RBFOX1: variants seen among roughly 807,000 people sequenced by gnomAD.
RBFOX1 encodes the protein RNA binding fox-1 homolog 1.
Under a neutral mutation model 57.7 loss-of-function variants are expected in RBFOX1, and 8 were observed. The observed-to-expected ratio is 0.14, with a 90% CI of 0.08 to 0.25. The LOEUF is 0.25. Among genes scored for constraint, RBFOX1 ranks in the 10% least tolerant of loss-of-function variants. RBFOX1 has a pLI of 1.00. For synonymous variants in RBFOX1, 326 were observed against 222.4 expected, an observed-to-expected ratio of 1.47 and a Z score of -4.15; for missense variants, 611 against 548.5, an observed-to-expected ratio of 1.11 and a Z score of -1.14.
chr16:5,651,012 C>A (rs1232442629), intron 3 of RBFOX1, among the ~76,000 whole-genome samples: 3 of 146,352 alleles, frequency 2.0e-5, no homozygotes, highest in African/African-American at 7.5e-5. Context: ...CTTTCTCTTC[C>A]CTTCCTCTGG....
intron 4 of RBFOX1, among the ~76,000 whole-genome samples, chr16:5,938,031 T>A (rs1309684067): frequency 2.6e-5 from 4 of 152,202 alleles, no homozygotes; most frequent in Admixed American, 2.6e-4. Context: ...TTTTAATCCA[T>A]CAGGATAATT....
chr16:6,707,745 T>A (rs944683752), intron 3 of RBFOX1, among the ~76,000 whole-genome samples: 5 of 152,196 alleles, frequency 3.3e-5, no homozygotes, highest in Non-Finnish European at 1.5e-5. Context: ...TTCCAGATTC[T>A]GCAACTTTAG....
chr16:7,701,821 G>C (rs1031295744), intron 14 of RBFOX1, among the ~76,000 whole-genome samples: 2 of 152,214 alleles, frequency 1.3e-5, no homozygotes, highest in African/African-American at 4.8e-5. Flanking sequence ...CTTGTAGAGT[G>C]AAAGTGAACA....
At chr16:5,924,928 T>C (rs145188318) in intron 4 of RBFOX1, among the ~76,000 whole-genome samples, 2 of 152,324 alleles carry the variant, frequency 1.3e-5, no homozygotes, top group East Asian at 1.9e-4. Flanking sequence ...GAGCTTTTTC[T>C]AGGCAAAACC....
At chr16:6,852,855 C>G (rs1405259217) in intron 3 of RBFOX1, among the ~76,000 whole-genome samples, 10 of 151,138 alleles carry the variant, frequency 6.6e-5, no homozygotes, top group Admixed American at 6.6e-4. Flanking sequence ...ATGCTGGGAA[C>G]TGCTGTCCAG....
At position 6,966,785 on chromosome 16, in the gene RBFOX1, A is replaced by ATCTGTCTGTCTGTCTG. The variant is rs1188405696; in HGVS notation, c.-15-85269_-15-85268insGTCTGTCTGTCTGTCT. On this transcript the variant is annotated intron_variant, in intron 3 of 15. Coordinates refer to ENST00000550418, the MANE Select transcript of RBFOX1 (RefSeq NM_018723.4). ...TGTCTATCTATCTATCTATCTATCT[A>ATCTGTCTGTCTGTCTG]TCTATCTGTCTGTCTGTCTGTCTGT... is the stretch of plus-strand genomic sequence containing the variant. Among the ~76,000 whole-genome samples, 124 of 53,988 alleles carry ATCTGTCTGTCTGTCTG rather than the reference A, an allele frequency of 2.3e-3. 1 individual carries two copies. The highest frequency in any genetic ancestry group is 6.1e-3 in the African/African-American group (116 of 19,036). 35.4% of individuals were successfully genotyped at this position (53,988 alleles called of 152,430 possible).
intron 3 of RBFOX1, among the ~76,000 whole-genome samples, chr16:7,026,753 C>G (rs1374593610): frequency 6.6e-6 from 1 of 152,160 alleles, no homozygotes; most frequent in Non-Finnish European, 1.5e-5. Context: ...ATTCCGAGGC[C>G]TCAACTTTGT....
intron 1 of RBFOX1, among the ~76,000 whole-genome samples, chr16:6,059,491 C>A (rs1001771370): frequency 5.3e-5 from 8 of 151,946 alleles, no homozygotes; most frequent in Non-Finnish European, 1.0e-4. Flanking sequence ...TTCACTTTAA[C>A]CTTCTATTTA....
chr16:7,230,508 G>A (rs955520707), intron 4 of RBFOX1, among the ~76,000 whole-genome samples: 4 of 152,132 alleles, frequency 2.6e-5, no homozygotes, highest in Non-Finnish European at 4.4e-5. Flanking sequence ...GACCCATCAG[G>A]CATGATGAAG....
chr16:7,504,749 A>ATT (rs1567554343), intron 4 of RBFOX1, among the ~76,000 whole-genome samples: 107 of 6,232 alleles, frequency 0.017, 5 homozygotes, highest in Middle Eastern at 0.12. Context: ...ATATATATAT[A>ATT]TATATTTATA....
intron 1 of RBFOX1, among the ~76,000 whole-genome samples, chr16:6,030,802 G>C (rs2095277197): frequency 6.6e-6 from 1 of 152,146 alleles, no homozygotes; most frequent in Non-Finnish European, 1.5e-5. Context: ...TTTTCCTGGA[G>C]CACTATTTAT....
At chr16:5,833,629 C>G (rs1422033045) in intron 3 of RBFOX1, among the ~76,000 whole-genome samples, 2 of 151,946 alleles carry the variant, frequency 1.3e-5, no homozygotes, top group Non-Finnish European at 2.9e-5. Flanking sequence ...TTTAGAGGGT[C>G]TCCTTAATTG....
In RBFOX1 at chr16:7,387,596, CT is replaced by C. The variant is rs377069730; in HGVS notation, c.28-130549del. 7.0e-4 allele frequency among the ~76,000 whole-genome samples: 107 copies of C among 152,220 alleles called. 1 individual carries two copies. In the East Asian group the frequency reaches 0.02, roughly 29 times the overall value. On this transcript the variant is annotated intron_variant, in intron 4 of 15. Transcript: ENST00000550418. ...AAATCCATACGCCTTCAGAGAGGTT[CT>C]TCGAATGTATGGTCAAGCATTGCAA...
intron 3 of RBFOX1, among the ~76,000 whole-genome samples, chr16:6,829,494 A>C (rs1001732264): frequency 1.3e-4 from 19 of 151,226 alleles, no homozygotes; most frequent in Non-Finnish European, 2.8e-4. Context: ...AAAAAAAAAA[A>C]ACAAAAAAAC....
chr16:5,818,617 G>C (rs1122305), intron 3 of RBFOX1, among the ~76,000 whole-genome samples: 1 of 152,000 alleles, frequency 6.6e-6, no homozygotes, highest in Non-Finnish European at 1.5e-5. Context: ...TAGTTTTGAC[G>C]AGAAATTAGA....
chr16:5,664,845 A>G (rs553300948), intron 3 of RBFOX1, among the ~76,000 whole-genome samples: 3 of 152,206 alleles, frequency 2.0e-5, no homozygotes, highest in African/African-American at 7.2e-5. Flanking sequence ...CTCAGAATGC[A>G]ATACACATGG....
chr16:5,406,677 C>T (rs1037672083), intron 1 of RBFOX1, among the ~76,000 whole-genome samples: 1 of 151,746 alleles, frequency 6.6e-6, no homozygotes, highest in Admixed American at 6.6e-5. Flanking sequence ...TGTGTGTGTT[C>T]TATTGGTTCT....
intron 2 of RBFOX1, among the ~76,000 whole-genome samples, chr16:6,560,835 C>T (rs1202408549): frequency 2.6e-5 from 4 of 152,110 alleles, no homozygotes. Flanking sequence ...CATGGAATCT[C>T]CAAGATCAAG....
In RBFOX1 at chr16:5,436,033, T is replaced by A. The variant is rs79023853; in HGVS notation, c.220-31183T>A. The stretch of plus-strand genomic sequence containing the variant: ...GGGAAGGATTTTAAAGATTGAAGTC[T>A]AAGGTGAGATACAAACTAAAACAAG... On this transcript the variant is annotated intron_variant, in intron 1 of 2. Transcript: ENST00000585867. Among the ~76,000 whole-genome samples the A allele has an allele frequency of 2.0e-3, 299 of 152,310 alleles. 8 individuals are homozygous for A. The East Asian group carries it at 0.05, about 25-fold the overall frequency.
Sources: allele counts gnomAD v4.1 joint callset (sites outside exome capture counted in the v4.1 genomes callset), GRCh38; gene constraint gnomAD v4.1.1; transcripts MANE v1.5; gene names NCBI Gene and HGNC (gene_info 2026-07-23, HGNC 2026-07-21).